ZFPM2: variants seen among roughly 807,000 people sequenced by gnomAD.
ZFPM2 encodes zinc finger protein, FOG family member 2.
Under a neutral mutation model 98.6 loss-of-function variants are expected in ZFPM2, and 20 were observed. That is an observed-to-expected ratio of 0.20 (90% confidence interval 0.14 to 0.29). ZFPM2 has a LOEUF of 0.29. ZFPM2 is among the 10% of genes least tolerant of loss of function. ZFPM2 has a pLI of 1.00. For missense variants in ZFPM2, 1,310 were observed against 1,388.6 expected, an observed-to-expected ratio of 0.94 and a Z score of 0.90; for synonymous variants, 518 against 502.7, an observed-to-expected ratio of 1.03 and a Z score of -0.41.
At chr8:105,541,199 T>A (rs1367155958) in intron 3 of ZFPM2, among the ~76,000 whole-genome samples, 1 of 152,172 alleles carries the variant, frequency 6.6e-6, no homozygotes, top group African/African-American at 2.4e-5. Flanking sequence ...ATTTTTTAAG[T>A]GCATGCTTTA....
chr8:105,507,038 A>G (rs1210642753), intron 3 of ZFPM2, among the ~76,000 whole-genome samples: 2 of 152,062 alleles, frequency 1.3e-5, no homozygotes, highest in Admixed American at 6.6e-5. Flanking sequence ...ACAGCATAAT[A>G]AGAGATAATT....
chr8:105,738,148 T>C (rs915847572), intron 5 of ZFPM2, among the ~76,000 whole-genome samples: 4 of 151,976 alleles, frequency 2.6e-5, no homozygotes, highest in African/African-American at 9.7e-5. Context: ...ATTAGTTATT[T>C]TTCCTGATGC....
intron 3 of ZFPM2, among the ~76,000 whole-genome samples, chr8:105,534,018 TCTTC>T (rs1296209528): frequency 1.2e-4 from 3 of 25,236 alleles, no homozygotes; most frequent in African/African-American, 6.2e-4. Flanking sequence ...CTTCCTCCCT[TCTTC>T]CCTTCCTCCC....
intron 5 of ZFPM2, among the ~76,000 whole-genome samples, chr8:105,771,168 C>A (rs1812971721): frequency 6.6e-6 from 1 of 152,094 alleles, no homozygotes; most frequent in South Asian, 2.1e-4. Context: ...CCTTCCTGTA[C>A]CCTGATTTTT....
intron 2 of ZFPM2, among the ~76,000 whole-genome samples, chr8:105,442,760 A>G (rs1325700144): frequency 6.6e-6 from 1 of 152,152 alleles, no homozygotes; most frequent in Non-Finnish European, 1.5e-5. Flanking sequence ...GAAGCTACAC[A>G]TAGAAATGAA....
chr8:105,491,636 C>T (rs1813358339), intron 3 of ZFPM2, among the ~76,000 whole-genome samples: 1 of 152,070 alleles, frequency 6.6e-6, no homozygotes, highest in Non-Finnish European at 1.5e-5. Context: ...ATGAATTTGT[C>T]TGTAATTAAT....
At position 105,538,184 on chromosome 8, in the gene ZFPM2, A is replaced by G. The variant is rs559959292; in HGVS notation, c.302-23179A>G. 1.1e-4 allele frequency among the ~76,000 whole-genome samples: 16 copies of G among 152,242 alleles called. No individual in the cohort carries two copies. The South Asian group carries it at 3.1e-3, about 30-fold the overall frequency. ...CTGCACATATTGATTGTAAGTCCCA[A>G]CCATACCCAGGGCAAGTTATTTATT... On this transcript the variant is annotated intron_variant, in intron 3 of 7. Coordinates refer to ENST00000407775, the MANE Select transcript of ZFPM2 (RefSeq NM_012082.4).
intron 5 of ZFPM2, chr8:105,780,505 G>T (rs923532399): frequency 6.6e-6 from 1 of 152,160 alleles, no homozygotes. Flanking sequence ...ACGCTCAGTC[G>T]TTACATCATT....
intron 3 of ZFPM2, among the ~76,000 whole-genome samples, chr8:105,546,884 T>G (rs1370243364): frequency 6.6e-6 from 1 of 152,160 alleles, no homozygotes; most frequent in Non-Finnish European, 1.5e-5. Context: ...TAAGAATCTA[T>G]AAAATTTACT....
intron 5 of ZFPM2, among the ~76,000 whole-genome samples, chr8:105,763,044 A>G (rs1812768667): frequency 6.7e-6 from 1 of 149,596 alleles, no homozygotes; most frequent in African/African-American, 2.5e-5. Context: ...ATCAATCATG[A>G]TGACTTTATT....
At chr8:105,344,919 A>T (rs571342107) in intron 1 of ZFPM2, among the ~76,000 whole-genome samples, 4 of 152,280 alleles carry the variant, frequency 2.6e-5, no homozygotes, top group African/African-American at 7.2e-5. Flanking sequence ...TTAATGTTGA[A>T]TAAGAAATAA....
chr8:105,789,131 A>G (rs181251191), intron 6 of ZFPM2: 32 of 475,684 alleles, frequency 6.7e-5, no homozygotes, highest in Non-Finnish European at 1.1e-4. Context: ...CATGTGCACA[A>G]TGTGCAGGTT....
chr8:105,326,810 G>C (rs1586293502), intron 1 of ZFPM2, among the ~76,000 whole-genome samples: 1 of 150,828 alleles, frequency 6.6e-6, no homozygotes, highest in African/African-American at 2.4e-5. Context: ...TGACTTGGCT[G>C]TTGCTAATGT....
intron 4 of ZFPM2, among the ~76,000 whole-genome samples, chr8:105,600,813 A>T (rs761222225): frequency 1.3e-5 from 2 of 152,062 alleles, no homozygotes; most frequent in Non-Finnish European, 2.9e-5. Flanking sequence ...TCAAGGATAG[A>T]CTCAGGAATG....
chr8:105,398,383 T>C (rs1811266226), intron 1 of ZFPM2, among the ~76,000 whole-genome samples: 1 of 152,236 alleles, frequency 6.6e-6, no homozygotes, highest in Non-Finnish European at 1.5e-5. Flanking sequence ...CCATTTAGAT[T>C]GTTTCTGATA....
intron 1 of ZFPM2, among the ~76,000 whole-genome samples, chr8:105,414,081 A>G (rs1811632172): frequency 6.6e-6 from 1 of 152,008 alleles, no homozygotes; most frequent in African/African-American, 2.4e-5. Flanking sequence ...AGTCTTGTGC[A>G]GCTTCTAGAA....
At chr8:105,584,732 C>A (rs897288804) in intron 4 of ZFPM2, among the ~76,000 whole-genome samples, 1 of 152,114 alleles carries the variant, frequency 6.6e-6, no homozygotes, top group African/African-American at 2.4e-5. Flanking sequence ...TGATAAAGCA[C>A]CAGGGAAACT....
At chr8:105,344,133 C>T (rs751224287) in intron 1 of ZFPM2, among the ~76,000 whole-genome samples, 4 of 152,138 alleles carry the variant, frequency 2.6e-5, no homozygotes, top group Non-Finnish European at 4.4e-5. Flanking sequence ...GACCCGCCCC[C>T]ATGATCCAAT....
chr8:105,653,854 C>CTTTTTTTTTTTTTTTTTTTTTT lies in ZFPM2; in HGVS notation c.532+19509_532+19530dup, dbSNP rs60218363. Among the ~76,000 whole-genome samples, 39 of 35,288 alleles carry CTTTTTTTTTTTTTTTTTTTTTT rather than the reference C, an allele frequency of 1.1e-3. 9 individuals are homozygous for CTTTTTTTTTTTTTTTTTTTTTT. Among genetic ancestry groups the CTTTTTTTTTTTTTTTTTTTTTT allele is most frequent in the Admixed American group, 1.7e-3 (3 of 1,754 alleles). 23.2% of individuals were successfully genotyped at this position (35,288 alleles called of 152,430 possible). A position where few individuals can be genotyped will look rare whatever the true frequency, so the allele number is the denominator to read the frequency against. On this transcript the variant is annotated intron_variant, in intron 5 of 7. Transcript: ENST00000407775. ...CTTTATACAACAGCTTGTGTGCTAT[C>CTTTTTTTTTTTTTTTTTTTTTT]TTTTTTTTTTTTTTTTTTTTTTTTT...
Sources: gnomAD v4.1 joint callset for allele counts (sites outside exome capture counted in the v4.1 genomes callset) on GRCh38, gnomAD v4.1.1 for gene constraint, MANE v1.5 for transcripts, NCBI Gene and HGNC (gene_info 2026-07-23, HGNC 2026-07-21) for gene names.